Variants in IGBP1 observed in about 807,000 individuals in gnomAD.
IGBP1 encodes the protein immunoglobulin binding protein 1.
Under a neutral mutation model 25.9 loss-of-function variants are expected in IGBP1, and 2 were observed. That is an observed-to-expected ratio of 0.08 (90% CI 0.03 to 0.24). The LOEUF is 0.24. Among genes scored for constraint, IGBP1 ranks in the 10% least tolerant of loss-of-function variants. The pLI, the probability that IGBP1 is intolerant of heterozygous loss-of-function variation, is 1.00. For synonymous variants in IGBP1, 96 were observed against 93.4 expected, an observed-to-expected ratio of 1.03 and a Z score of -0.16; for missense variants, 187 against 260.4, an observed-to-expected ratio of 0.72 and a Z score of 1.94.
chrX:70,158,653 G>A (rs747092803), intron 6 of IGBP1, among the ~76,000 whole-genome samples: 1 of 109,517 alleles, frequency 9.1e-6, no homozygotes, highest in East Asian at 2.9e-4. Flanking sequence ...CCAAGATGGT[G>A]AAACCCCGTC....
In IGBP1 at chrX:70,133,962, C is replaced by T. The variant is rs147789194; in HGVS notation, c.15C>T (p.Asp5=). The part of the protein sequence containing the change: MAAE[D]ELQLPRLPEL... The stretch of plus-strand genomic sequence containing the variant: ...CTCTCCCCAAGATGGCTGCTGAGGA[C>T]GAGTTACAGCTGCCGCGGCTCCCCG... Residue 5 remains aspartate (D), a synonymous_variant, in exon 2 of 7, where the codon GAC becomes GAT. Coordinates refer to ENST00000356413, the MANE Select transcript of IGBP1 (RefSeq NM_001551.3). 186 of 1,209,254 alleles carry T rather than the reference C, an allele frequency of 1.5e-4. No homozygotes were observed. In the African/African-American group the frequency reaches 2.9e-3, roughly 19 times the overall value.
chrX:70,133,456 G>A lies in IGBP1; in HGVS notation c.-310G>A. The A allele has an allele frequency of 4.4e-6, 1 of 225,473 alleles. No homozygotes were observed. Among genetic ancestry groups the A allele is most frequent in the Non-Finnish European group, 8.0e-6 (1 of 124,699 alleles). The allele number at this position is 225,473 out of a possible 1,213,427, so 18.6% of individuals were successfully genotyped here. A position where few individuals can be genotyped will look rare whatever the true frequency, so the allele number is the denominator to read the frequency against. On this transcript the variant is annotated 5_prime_UTR_variant, in exon 1 of 7. Transcript: ENST00000356413. ...CAGGGGGGCGCTACTTGCACTTCGC[G>A]CTCAAGCGACCGGATCTTCAAACCG...
intron 6 of IGBP1, among the ~76,000 whole-genome samples, chrX:70,164,785 T>C (rs940266745): frequency 8.9e-6 from 1 of 112,150 alleles, no homozygotes; most frequent in African/African-American, 3.2e-5. Context: ...TTTTATTTTA[T>C]AGTAAAGGGT....
chrX:70,160,002 C>T (rs915136468), intron 6 of IGBP1, among the ~76,000 whole-genome samples: 2 of 111,336 alleles, frequency 1.8e-5, no homozygotes, highest in Non-Finnish European at 3.8e-5. Context: ...GTGCTATTGC[C>T]GTTTGGCCCA....
At chrX:70,140,821 T>C (rs755566589) in intron 3 of IGBP1, among the ~76,000 whole-genome samples, 1 of 111,997 alleles carries the variant, frequency 8.9e-6, no homozygotes, top group African/African-American at 3.2e-5. Context: ...TTACTGAATT[T>C]AGGTCCTAAA....
intron 4 of IGBP1, among the ~76,000 whole-genome samples, chrX:70,147,199 C>G (rs182687730): frequency 9.0e-6 from 1 of 111,345 alleles, no homozygotes; most frequent in African/African-American, 3.3e-5. Flanking sequence ...TTTGGAATGC[C>G]GAGGCGGGTA....
In IGBP1 at chrX:70,134,825, A is replaced by G. The variant is rs774422719; in HGVS notation, c.482+9A>G. ...CAGGCTAAAATACAGAGGTGGGTCA[A>G]TAGCTATAATATGAGGCCTGCCCAA... On this transcript the variant is annotated intron_variant, in intron 3 of 6. Coordinates refer to ENST00000356413, the MANE Select transcript of IGBP1 (RefSeq NM_001551.3). 8.3e-7 allele frequency: 1 copy of G among 1,201,363 alleles called. No homozygotes were observed. Among genetic ancestry groups the G allele is most frequent in the Admixed American group, 2.2e-5 (1 of 46,061 alleles).
At chrX:70,156,145 A>G (rs1035419195) in intron 6 of IGBP1, among the ~76,000 whole-genome samples, 1 of 111,320 alleles carries the variant, frequency 9.0e-6, no homozygotes, top group Non-Finnish European at 1.9e-5. Context: ...ACAGATCACC[A>G]TAACAAATGA....
intron 3 of IGBP1, among the ~76,000 whole-genome samples, 168 bp downstream of exon 3, chrX:70,134,984 T>A (rs2085086509): frequency 8.9e-6 from 1 of 112,567 alleles, no homozygotes; most frequent in South Asian, 3.7e-4. Context: ...AAGAAGCCTC[T>A]GCTTTTGTTG....
intron 4 of IGBP1, among the ~76,000 whole-genome samples, chrX:70,147,109 G>A (rs1443771341): frequency 1.8e-5 from 2 of 111,688 alleles, no homozygotes; most frequent in Non-Finnish European, 3.8e-5. Context: ...TGTGGCTGCT[G>A]AGGGAAGGCA....
Position 70,157,308 on chromosome X carries a change from T to C in IGBP1, c.871+6986T>C, listed in dbSNP as rs191088237. Reference sequence around the variant, plus strand: ...GGGAACAAAGAAAGCCCAAAGTAAATAGATGAAAGGAAATAAAGGCAGGGA... The same window carrying C: ...GGGAACAAAGAAAGCCCAAAGTAAACAGATGAAAGGAAATAAAGGCAGGGA... On this transcript the variant is annotated intron_variant, in intron 6 of 6. Coordinates refer to ENST00000356413, the MANE Select transcript of IGBP1 (RefSeq NM_001551.3). Among the ~76,000 whole-genome samples the C allele has an allele frequency of 4.5e-5, 5 of 110,110 alleles. No homozygotes were observed. The East Asian group carries it at 1.4e-3, about 32-fold the overall frequency.
At chrX:70,142,926 T>G (rs2085140244) in intron 3 of IGBP1, among the ~76,000 whole-genome samples, 1 of 98,082 alleles carries the variant, frequency 1.0e-5, no homozygotes, top group African/African-American at 3.7e-5. Context: ...GTTTTTTTTT[T>G]TTTTTTTTTT....
chrX:70,154,258 G>T (rs1336697142), intron 6 of IGBP1, among the ~76,000 whole-genome samples: 10 of 105,553 alleles, frequency 9.5e-5, no homozygotes, highest in African/African-American at 3.1e-4. Flanking sequence ...ATTTTTAGTA[G>T]AGATGAGGTT....
At chrX:70,165,779 A>G in intron 6 of IGBP1, 54 bp from the exon 7 acceptor site, 1 of 1,096,100 alleles carries the variant, frequency 9.1e-7, no homozygotes, top group South Asian at 1.9e-5. Context: ...CCCTGACGTT[A>G]CTTATTAACA....
chrX:70,134,922 G>T, intron 3 of IGBP1, 106 bp downstream of exon 3: 1 of 786,518 alleles, frequency 1.3e-6, no homozygotes, highest in South Asian at 2.2e-5. Flanking sequence ...TCACTTTCTT[G>T]GTTCTTATTG....
At chrX:70,148,729 A>G (rs2085182794) in intron 4 of IGBP1, 32 bp from the exon 5 acceptor site, 20 of 967,111 alleles carry the variant, frequency 2.1e-5, no homozygotes, top group Non-Finnish European at 2.5e-5. Context: ...TAAAATGGCA[A>G]ATTCACCTCT....
At chrX:70,158,710 G>A (rs1443132071) in intron 6 of IGBP1, among the ~76,000 whole-genome samples, 6 of 111,190 alleles carry the variant, frequency 5.4e-5, no homozygotes, top group Non-Finnish European at 5.7e-5. Context: ...GGGCATGGTG[G>A]TACGTGCCTG....
At chrX:70,150,908 G>A (rs1238390329) in intron 6 of IGBP1, among the ~76,000 whole-genome samples, 1 of 111,414 alleles carries the variant, frequency 9.0e-6, no homozygotes, top group Non-Finnish European at 1.9e-5. Flanking sequence ...AAGCAATAGG[G>A]TATAACCGAA....
At chrX:70,146,888 T>A in intron 4 of IGBP1, 60 bp downstream of exon 4, 1 of 863,638 alleles carries the variant, frequency 1.2e-6, no homozygotes, top group African/African-American at 2.0e-5. Flanking sequence ...GAGATCAAAT[T>A]AAGATCCTTT....
Sources: gnomAD v4.1 joint callset for allele counts (sites outside exome capture counted in the v4.1 genomes callset) on GRCh38, gnomAD v4.1.1 for gene constraint, MANE v1.5 for transcripts, NCBI Gene and HGNC (gene_info 2026-07-23, HGNC 2026-07-21) for gene names.